JMJD1C: variants seen among roughly 807,000 people sequenced by gnomAD.
JMJD1C encodes jumonji domain-containing protein 1C.
JMJD1C carries 31 observed loss-of-function variants against 245.3 expected under a neutral mutation model. That is an observed-to-expected ratio of 0.13 (90% confidence interval 0.09 to 0.17). JMJD1C has a LOEUF of 0.17. Ranked by LOEUF, JMJD1C falls within the 10% of genes least tolerant of loss-of-function variation. The pLI, the probability that JMJD1C is intolerant of heterozygous loss-of-function variation, is 1.00. For missense variants in JMJD1C, 2,691 were observed against 3,000.2 expected, an observed-to-expected ratio of 0.90 and a Z score of 2.41; for synonymous variants, 1,057 against 1,017.4, an observed-to-expected ratio of 1.04 and a Z score of -0.74.
Position 63,176,311 on chromosome 10 carries a change from C to T in JMJD1C, c.7387G>A (p.Gly2463Arg). The T allele has an allele frequency of 6.2e-7, 1 of 1,611,612 alleles. No homozygotes were observed. The highest frequency in any genetic ancestry group is 8.5e-7 in the Non-Finnish European group (1 of 1,178,642). Residue 2463 changes from glycine to arginine, a missense_variant, in exon 24 of 26, where the codon GGA (glycine) becomes AGA (arginine). Gly to Arg is a moderately radical substitution (Grantham distance 125). Around this residue, in one of 9 missense-constraint regions of JMJD1C, gnomAD observed 232 missense variants for 416.1 expected, o/e 0.56. Coordinates refer to ENST00000399262, the MANE Select transcript of JMJD1C (RefSeq NM_032776.3). ...TTTGTATATACCTGATGAAGTGCTC[C>T]CGCTGGCAAAACAATAGCATCACCA... ...FLGDAIVLPA[G>R]ALHQVQNFHS... is the part of the protein sequence containing the mutation.
At chr10:63,248,825 T>A (rs1340706849) in intron 3 of JMJD1C, among the ~76,000 whole-genome samples, 1 of 152,212 alleles carries the variant, frequency 6.6e-6, no homozygotes, top group African/African-American at 2.4e-5. Context: ...GGACTCCACC[T>A]AAGTGCTCAT....
At position 63,420,714 on chromosome 10, in the gene JMJD1C, C is replaced by CCA. The variant is rs1554930459; in HGVS notation, c.169-40233_169-40232insTG. Among the ~76,000 whole-genome samples, 15 of 47,702 alleles carry CCA rather than the reference C, an allele frequency of 3.1e-4. 1 individual carries two copies. Among genetic ancestry groups the CCA allele is most frequent in the Non-Finnish European group, 5.7e-4 (14 of 24,614 alleles). The allele number at this position is 47,702 out of a possible 152,430, so 31.3% of individuals were successfully genotyped here. The stretch of plus-strand genomic sequence containing the variant: ...TGGGTAACAAAACGAGACCCAGTCT[C>CCA]AAAAAAAAAAAAAAAAAAAAAGGAG... On this transcript the variant is annotated intron_variant, in intron 1 of 25. Transcript: ENST00000399262.
chr10:63,311,814 A>T (rs1338581206), intron 2 of JMJD1C, among the ~76,000 whole-genome samples: 1 of 152,208 alleles, frequency 6.6e-6, no homozygotes, highest in Non-Finnish European at 1.5e-5. Context: ...AAGAAGTACA[A>T]GAACACTTTT....
chr10:63,298,508 T>C (rs1387713736), intron 2 of JMJD1C, among the ~76,000 whole-genome samples: 1 of 152,152 alleles, frequency 6.6e-6, no homozygotes, highest in South Asian at 2.1e-4. Flanking sequence ...TATCTCTGTA[T>C]CCATATTCTC....
intron 2 of JMJD1C, among the ~76,000 whole-genome samples, chr10:63,302,266 A>G (rs984942256): frequency 3.3e-5 from 5 of 152,226 alleles, no homozygotes; most frequent in African/African-American, 1.2e-4. Context: ...CCACAAATGA[A>G]TAAATGCATG....
chr10:63,383,303 G>A (rs2134524219), intron 1 of JMJD1C, among the ~76,000 whole-genome samples: 2 of 151,616 alleles, frequency 1.3e-5, no homozygotes, highest in African/African-American at 4.8e-5. Flanking sequence ...AAAGAGAAAT[G>A]CACTGGTCAA....
At chr10:63,515,598 G>C (rs1455326576) in intron 1 of JMJD1C, among the ~76,000 whole-genome samples, 1 of 152,204 alleles carries the variant, frequency 6.6e-6, no homozygotes, top group Admixed American at 6.5e-5. Flanking sequence ...TTCAGTAGTT[G>C]TGATTCTCTG....
chr10:63,337,598 G>GA (rs200743415), intron 2 of JMJD1C, among the ~76,000 whole-genome samples: 28 of 104,222 alleles, frequency 2.7e-4, no homozygotes, highest in African/African-American at 1.4e-3. Context: ...GAAAAGAAAA[G>GA]AAAAGAAAAG....
intron 2 of JMJD1C, among the ~76,000 whole-genome samples, chr10:63,333,061 AAACACAGTTTTTAT>A (rs535030921): frequency 7.7e-4 from 118 of 152,330 alleles, no homozygotes; most frequent in African/African-American, 2.7e-3. Context: ...CCTAAAAGAA[AAACACAGTTTTTAT>A]AACACTGGCA....
intron 1 of JMJD1C, among the ~76,000 whole-genome samples, chr10:63,432,229 A>G (rs910118754): frequency 1.3e-5 from 2 of 152,224 alleles, no homozygotes; most frequent in Non-Finnish European, 2.9e-5. Flanking sequence ...ATGTAAAAGC[A>G]TGATAAATGT....
intron 2 of JMJD1C, among the ~76,000 whole-genome samples, chr10:63,352,795 A>G (rs1702471751): frequency 6.6e-6 from 1 of 152,182 alleles, no homozygotes; most frequent in Non-Finnish European, 1.5e-5. Flanking sequence ...TAGAACATGG[A>G]TCAAAAATAC....
chr10:63,286,188 G>A (rs944369341), intron 2 of JMJD1C, among the ~76,000 whole-genome samples: 2 of 152,166 alleles, frequency 1.3e-5, no homozygotes, highest in African/African-American at 2.4e-5. Flanking sequence ...AGAATCTGAC[G>A]AAAGCTGTAG....
chr10:63,430,863 C>T (rs1471669707), intron 1 of JMJD1C, among the ~76,000 whole-genome samples: 1 of 152,174 alleles, frequency 6.6e-6, no homozygotes, highest in Non-Finnish European at 1.5e-5. Flanking sequence ...CGCACCTCAG[C>T]TTCCCGAGTA....
intron 2 of JMJD1C, among the ~76,000 whole-genome samples, chr10:63,347,943 T>C (rs1459687220): frequency 3.9e-5 from 6 of 152,004 alleles, no homozygotes; most frequent in Non-Finnish European, 5.9e-5. Context: ...CTGGGTGCAA[T>C]AGATCATGCC....
At chr10:63,244,597 T>C (rs1280034370) in intron 3 of JMJD1C, among the ~76,000 whole-genome samples, 2 of 152,114 alleles carry the variant, frequency 1.3e-5, no homozygotes, top group African/African-American at 4.8e-5. Context: ...GGTGGCACTG[T>C]GTGAACTCTT....
intron 1 of JMJD1C, among the ~76,000 whole-genome samples, chr10:63,478,956 C>T (rs887150921): frequency 6.6e-6 from 1 of 152,080 alleles, no homozygotes; most frequent in Non-Finnish European, 1.5e-5. Flanking sequence ...CAGAATGAGA[C>T]CCTGTCTCAA....
intron 1 of JMJD1C, among the ~76,000 whole-genome samples, chr10:63,455,264 CCA>C (rs1359042029): frequency 6.6e-6 from 1 of 152,112 alleles, no homozygotes. Flanking sequence ...GTCCTATACT[CCA>C]TATCTAAGAT....
chr10:63,381,647 A>G (rs1488557402), intron 1 of JMJD1C, among the ~76,000 whole-genome samples: 8 of 152,210 alleles, frequency 5.3e-5, no homozygotes, highest in Admixed American at 2.6e-4. Flanking sequence ...GAGTATAACA[A>G]TATTTCAAAA....
chr10:63,177,944 T>C (rs1843008467), intron 22 of JMJD1C, 88 bp from the exon 23 acceptor site: 1 of 1,363,836 alleles, frequency 7.3e-7, no homozygotes, highest in African/African-American at 1.5e-5. Flanking sequence ...AGCAGCAGAG[T>C]GCCTGACTAG....
Sources: gnomAD v4.1 joint callset for allele counts (sites outside exome capture counted in the v4.1 genomes callset) on GRCh38, gnomAD v4.1.1 for gene constraint, gnomAD v4.1.1 regional missense constraint, MANE v1.5 for transcripts, NCBI Gene and HGNC (gene_info 2026-07-23, HGNC 2026-07-21) for gene names.